INPP5F: variants seen among roughly 807,000 people sequenced by gnomAD.
INPP5F encodes phosphatidylinositide 4-phosphatase SAC2.
In INPP5F, 97 loss-of-function variants were observed where a neutral mutation model predicts 137.2. The ratio of observed to expected loss-of-function variants is 0.71; its 90% CI spans 0.60 to 0.84. INPP5F has a LOEUF of 0.84. INPP5F is among the 40% of genes least tolerant of loss of function. INPP5F has a pLI of 0.00. For synonymous variants in INPP5F, 504 were observed against 476.9 expected, an observed-to-expected ratio of 1.06 and a Z score of -0.74; for missense variants, 1,271 against 1,371.9, an observed-to-expected ratio of 0.93 and a Z score of 1.16.
intron 15 of INPP5F, 121 bp downstream of exon 15, chr10:119,812,076 C>T: frequency 1.4e-6 from 1 of 734,718 alleles, no homozygotes; most frequent in South Asian, 1.8e-5. Context: ...TGACTATTTC[C>T]TCTATGAGCT....
At chr10:119,762,987 C>G (rs1589688418) in intron 2 of INPP5F, among the ~76,000 whole-genome samples, 1 of 152,272 alleles carries the variant, frequency 6.6e-6, no homozygotes, top group East Asian at 1.9e-4. Context: ...GGGTGAGACT[C>G]AAGATATGAT....
At chr10:119,750,045 A>G (rs1409532806) in intron 1 of INPP5F, among the ~76,000 whole-genome samples, 1 of 152,190 alleles carries the variant, frequency 6.6e-6, no homozygotes, top group African/African-American at 2.4e-5. Context: ...CTGGGATTAC[A>G]GGCATGAGCC....
intron 1 of INPP5F, among the ~76,000 whole-genome samples, chr10:119,729,535 C>A (rs1589655309): frequency 6.6e-6 from 1 of 151,356 alleles, no homozygotes; most frequent in Non-Finnish European, 1.5e-5. Context: ...GGTACACCTG[C>A]ACTTGTGTTA....
intron 15 of INPP5F, chr10:119,819,298 A>C: frequency 2.6e-6 from 1 of 380,584 alleles, no homozygotes; most frequent in Non-Finnish European, 3.5e-6. Context: ...CTAAGACTTC[A>C]GTAAAATTGG....
At chr10:119,826,342 T>A (rs1439395872) in intron 19 of INPP5F, among the ~76,000 whole-genome samples, 1 of 152,258 alleles carries the variant, frequency 6.6e-6, no homozygotes, top group Non-Finnish European at 1.5e-5. Context: ...TCTTTTAATA[T>A]TTTTATGTTG....
chr10:119,797,331 C>G (rs535926399), intron 7 of INPP5F, 130 bp from the exon 8 acceptor site: 3 of 705,382 alleles, frequency 4.3e-6, no homozygotes, highest in Non-Finnish European at 7.0e-6. Context: ...TGATACTGTT[C>G]TGCTTGGCAG....
chr10:119,771,868 ATATATATATATATATTTTTTTTTTT>A (rs1345456027), intron 2 of INPP5F, among the ~76,000 whole-genome samples: 12 of 14,306 alleles, frequency 8.4e-4, no homozygotes, highest in Non-Finnish European at 1.4e-3. Context: ...ATATATATAT[ATATATATATATATATTTTTTTTTTT>A]TTTTTTTTTT....
chr10:119,761,031 T>G (rs534380452), intron 2 of INPP5F, among the ~76,000 whole-genome samples: 18 of 152,352 alleles, frequency 1.2e-4, no homozygotes, highest in African/African-American at 3.6e-4. Flanking sequence ...AATTTAGACT[T>G]TTCTAGTTTT....
chr10:119,820,815 A>T, intron 15 of INPP5F, 31 bp from the exon 16 acceptor site: 1 of 1,541,968 alleles, frequency 6.5e-7, no homozygotes, highest in Non-Finnish European at 9.0e-7. Context: ...GGAAATGAAA[A>T]TACTTAATCT....
Position 119,739,859 on chromosome 10 carries a change from A to G in INPP5F, c.98-11217A>G, listed in dbSNP as rs1451446745. 5.9e-5 allele frequency among the ~76,000 whole-genome samples: 9 copies of G among 152,042 alleles called. No homozygotes were observed. The East Asian group carries it at 9.6e-4, about 16-fold the overall frequency. Reference sequence around the variant, plus strand: ...GGTCTTGAACTCCTGGGCTCAAGCAATCTGCCTGTCTCAGCCTCCCAAAGT... The same window carrying G: ...GGTCTTGAACTCCTGGGCTCAAGCAGTCTGCCTGTCTCAGCCTCCCAAAGT... On this transcript the variant is annotated intron_variant, in intron 1 of 19. Coordinates refer to ENST00000650623, the MANE Select transcript of INPP5F (RefSeq NM_014937.4).
chr10:119,756,872 A>AG (rs1320604691), intron 2 of INPP5F, among the ~76,000 whole-genome samples: 2 of 150,690 alleles, frequency 1.3e-5, no homozygotes, highest in Non-Finnish European at 3.0e-5. Flanking sequence ...CCACAAAAAA[A>AG]AAAAAAAAAA....
At chr10:119,783,202 C>T (rs192069464) in intron 3 of INPP5F, among the ~76,000 whole-genome samples, 252 of 152,234 alleles carry the variant, frequency 1.7e-3, no homozygotes, top group Non-Finnish European at 2.4e-3. Flanking sequence ...GAAGAGCAGC[C>T]AGACTAGCAA....
At chr10:119,765,391 A>G (rs1349356260) in intron 2 of INPP5F, among the ~76,000 whole-genome samples, 1 of 151,774 alleles carries the variant, frequency 6.6e-6, no homozygotes, top group Non-Finnish European at 1.5e-5. Context: ...TTTGTTTTTG[A>G]GACAGGGTCT....
chr10:119,826,027 C>T (rs1378554863), intron 19 of INPP5F: 4 of 398,502 alleles, frequency 1.0e-5, no homozygotes, highest in Non-Finnish European at 1.3e-5. Context: ...AGGTAACCCA[C>T]AGGACATATA....
In INPP5F at chr10:119,827,018, A is replaced by C. The variant is rs1210489953; in HGVS notation, c.2637A>C (p.Leu879Phe). Reference sequence around the variant, plus strand: ...AAGACAGGCAGCTAGCTAACTCATTAGAGAGTGTAGGGCCAATAGATTACG... The same window carrying C: ...AAGACAGGCAGCTAGCTAACTCATTCGAGAGTGTAGGGCCAATAGATTACG... The part of the protein sequence containing the change: ...SDEDRQLANS[L>F]ESVGPIDYVL... The change falls in exon 20 of 20, where the codon TTA (leucine) becomes TTC (phenylalanine). Residue 879 changes from leucine (L) to phenylalanine (F), a missense_variant. This residue lies in a region of INPP5F where 490 missense variants were observed against 443.7 expected (regional missense o/e 1.10). Coordinates refer to ENST00000650623, the MANE Select transcript of INPP5F (RefSeq NM_014937.4). The C allele has an allele frequency of 1.2e-6, 2 of 1,614,102 alleles. No homozygotes were observed. The highest frequency in any genetic ancestry group is 3.3e-5 in the Admixed American group (2 of 60,018).
At chr10:119,825,806 G>C in intron 19 of INPP5F, 1 of 393,610 alleles carries the variant, frequency 2.5e-6, no homozygotes, top group Non-Finnish European at 4.5e-6. Flanking sequence ...GAAGAAAATT[G>C]TTCAGGCTTT....
At chr10:119,783,346 C>G (rs1849770442) in intron 3 of INPP5F, among the ~76,000 whole-genome samples, 1 of 152,166 alleles carries the variant, frequency 6.6e-6, no homozygotes, top group African/African-American at 2.4e-5. Flanking sequence ...TTTGGCCTGG[C>G]ATTCAGGTTT....
chr10:119,818,398 G>C (rs982135182), intron 15 of INPP5F, among the ~76,000 whole-genome samples: 23 of 152,228 alleles, frequency 1.5e-4, no homozygotes, highest in African/African-American at 5.1e-4. Context: ...CCAGGCACGC[G>C]GCAGCCACTG....
chr10:119,760,707 T>C (rs921745942), intron 2 of INPP5F, among the ~76,000 whole-genome samples: 1 of 152,250 alleles, frequency 6.6e-6, no homozygotes, highest in Non-Finnish European at 1.5e-5. Context: ...AAATGAAGGT[T>C]ATTTAATTGA....
Sources: gnomAD v4.1 joint callset for allele counts (sites outside exome capture counted in the v4.1 genomes callset) on GRCh38, gnomAD v4.1.1 for gene constraint, gnomAD v4.1.1 regional missense constraint, MANE v1.5 for transcripts, NCBI Gene and HGNC (gene_info 2026-07-23, HGNC 2026-07-21) for gene names.